The following USF3 variants were observed in gnomAD, a reference collection of about 807,000 sequenced individuals.
USF3 encodes the protein upstream transcription factor family member 3.
A neutral mutation model predicts 157.5 loss-of-function variants in USF3; 29 were observed. The ratio of observed to expected loss-of-function variants is 0.18; its 90% CI spans 0.14 to 0.25. The LOEUF is 0.25. USF3 is among the 10% of genes least tolerant of loss of function. USF3 has a pLI of 1.00. For synonymous variants in USF3, 893 were observed against 941.4 expected (o/e 0.95, Z 0.94); for missense variants, 2,381 against 2,667.6 (o/e 0.89, Z 2.37).
chr3:113,687,237 A>T (rs1707574793), intron 1 of USF3, among the ~76,000 whole-genome samples: 1 of 149,140 alleles, frequency 6.7e-6, no homozygotes, highest in South Asian at 2.1e-4. Context: ...AGTCACACAC[A>T]CACACACACA....
intron 1 of USF3, among the ~76,000 whole-genome samples, chr3:113,684,373 T>G (rs867834395): frequency 2.0e-5 from 3 of 152,148 alleles, no homozygotes; most frequent in Non-Finnish European, 2.9e-5. Context: ...ATAACCTCCT[T>G]GGACTTGAAT....
At chr3:113,696,175 C>G (rs575999844) in intron 1 of USF3, among the ~76,000 whole-genome samples, 195 bp downstream of exon 1, 445 of 152,312 alleles carry the variant, frequency 2.9e-3, no homozygotes, top group African/African-American at 0.01. Flanking sequence ...GCGCTCGCCG[C>G]GGGCGCTGAC....
At chr3:113,690,915 C>T (rs1339912773) in intron 1 of USF3, among the ~76,000 whole-genome samples, 4 of 152,136 alleles carry the variant, frequency 2.6e-5, no homozygotes, top group Non-Finnish European at 4.4e-5. Context: ...GGGCCAGGCA[C>T]GGTGGCTCAC....
rs1266464109 is a variant in USF3 at position 113,652,108 on chromosome 3, A to AGAGAGTGTGTGTGTGTGTGTGTGTGTGT, written c.*2835_*2836insACACACACACACACACACACACACTCTC. 1 of 141,978 alleles carries AGAGAGTGTGTGTGTGTGTGTGTGTGTGT rather than the reference A, an allele frequency of 7.0e-6. No individual in the cohort carries two copies. The highest frequency in any genetic ancestry group is 2.6e-5 in the African/African-American group (1 of 38,276). 8.8% of individuals were successfully genotyped at this position (141,978 alleles called of 1,614,324 possible). A position where few individuals can be genotyped will look rare whatever the true frequency, so the allele number is the denominator to read the frequency against. On this transcript the variant is annotated 3_prime_UTR_variant, in exon 7 of 7. Coordinates refer to ENST00000316407, the MANE Select transcript of USF3 (RefSeq NM_001009899.4). The stretch of plus-strand genomic sequence containing the variant: ...TGGAGAGAGAGAGAGAGAGAGAGAG[A>AGAGAGTGTGTGTGTGTGTGTGTGTGTGT]GTGTGTGTGTGTGTGTGTGTGTGTG...
chr3:113,685,778 C>A (rs778844403), intron 1 of USF3, among the ~76,000 whole-genome samples: 3 of 152,062 alleles, frequency 2.0e-5, no homozygotes, highest in African/African-American at 7.2e-5. Context: ...AGGAGTGTAC[C>A]CTTCTCTTTA....
At chr3:113,680,180 T>C (rs1009941860) in intron 1 of USF3, among the ~76,000 whole-genome samples, 3 of 151,658 alleles carry the variant, frequency 2.0e-5, no homozygotes, top group Non-Finnish European at 4.4e-5. Context: ...CTGGTATTAG[T>C]TCTTCTTTAG....
chr3:113,690,748 C>G lies in USF3; in HGVS notation c.-135+5622G>C, dbSNP rs143441571. Among the ~76,000 whole-genome samples, 589 of 152,282 alleles carry G rather than the reference C, an allele frequency of 3.9e-3. 4 individuals are homozygous for G. The highest frequency in any genetic ancestry group is 0.013 in the African/African-American group (560 of 41,562). On this transcript the variant is annotated intron_variant, in intron 1 of 6. Coordinates refer to ENST00000316407, the MANE Select transcript of USF3 (RefSeq NM_001009899.4). ...AGTCTATCCTCCTATATAAAATCTT[C>G]CCTAATATTTCTAGCAAAACTAAAC...
At chr3:113,676,399 G>A (rs921894900) in intron 2 of USF3, among the ~76,000 whole-genome samples, 16 of 152,198 alleles carry the variant, frequency 1.1e-4, no homozygotes, top group Non-Finnish European at 2.2e-4. Flanking sequence ...AATCATGGTG[G>A]AAGGGGAAGC....
chr3:113,692,994 C>T (rs1014248662), intron 1 of USF3, among the ~76,000 whole-genome samples: 2 of 152,156 alleles, frequency 1.3e-5, no homozygotes, highest in African/African-American at 4.8e-5. Flanking sequence ...AGGGGTCTGT[C>T]ACAACTACAA....
At position 113,653,838 on chromosome 3, in the gene USF3, C is replaced by A. The variant is rs1390299018; in HGVS notation, c.*1106G>T. ...CTACCAACAAGAAAAATAACAAATT[C>A]ATATTCTCATTATAATTCTGTTATG... On this transcript the variant is annotated 3_prime_UTR_variant, in exon 7 of 7. Coordinates refer to ENST00000316407, the MANE Select transcript of USF3 (RefSeq NM_001009899.4). 2 of 151,990 alleles carry A rather than the reference C, an allele frequency of 1.3e-5. No homozygotes were observed. The highest frequency in any genetic ancestry group is 2.9e-5 in the Non-Finnish European group (2 of 67,990). The allele number at this position is 151,990 out of a possible 1,614,324, so 9.4% of individuals were successfully genotyped here. A position where few individuals can be genotyped will look rare whatever the true frequency, so the allele number is the denominator to read the frequency against.
Position 113,659,170 on chromosome 3 carries a change from C to T in USF3, c.2512G>A (p.Asp838Asn), listed in dbSNP as rs1577030563. Residue 838 changes from aspartate (D) to asparagine (N), a missense_variant, in exon 7 of 7, where the codon GAT becomes AAT. Asp to Asn is a conservative substitution (Grantham distance 23, BLOSUM62 1). Around this residue, in one of 6 missense-constraint regions of USF3, gnomAD observed 1,435 missense variants for 1,550.9 expected, o/e 0.93. Transcript: ENST00000316407. ...GCAGGGAAGCTTTCTAGCAGTCCAT[C>T]ATTACAGGGTGGCTCTGCTGAGCCT... ...TEGSAEPPCN[D>N]GLLESFPAVL... The T allele has an allele frequency of 7.4e-6, 12 of 1,614,206 alleles. No homozygotes were observed. The highest frequency in any genetic ancestry group is 1.1e-5 in the South Asian group (1 of 91,084).
chr3:113,684,407 G>C (rs1380215216), intron 1 of USF3, among the ~76,000 whole-genome samples: 1 of 152,010 alleles, frequency 6.6e-6, no homozygotes, highest in Admixed American at 6.6e-5. Flanking sequence ...TCTAGGTTTG[G>C]AAAGTTCTCC....
rs1947218955 is a variant in USF3, at chr3:113,649,277, T to C, written c.*5667A>G. 6.6e-6 allele frequency: 1 copy of C among 152,468 alleles called. No individual in the cohort carries two copies. Among genetic ancestry groups the C allele is most frequent in the Admixed American group, 6.5e-5 (1 of 15,288 alleles). The allele number at this position is 152,468 out of a possible 1,614,324, so 9.4% of individuals were successfully genotyped here. A position where few individuals can be genotyped will look rare whatever the true frequency, so the allele number is the denominator to read the frequency against. On this transcript the variant is annotated 3_prime_UTR_variant, in exon 7 of 7. Coordinates refer to ENST00000316407, the MANE Select transcript of USF3 (RefSeq NM_001009899.4). ...AAATAAACAGTTATCTTCTGTCTTA[T>C]GAAATCTCTAATGACAGGATTATGC...
At chr3:113,690,078 C>T (rs901723840) in intron 1 of USF3, among the ~76,000 whole-genome samples, 2 of 152,172 alleles carry the variant, frequency 1.3e-5, no homozygotes, top group Admixed American at 6.5e-5. Flanking sequence ...GCATTTTGAA[C>T]AAATTAACAA....
Position 113,657,503 on chromosome 3 carries a change from A to C in USF3, c.4179T>G (p.Ala1393=). 6.2e-7 allele frequency: 1 copy of C among 1,614,102 alleles called. No homozygotes were observed. The highest frequency in any genetic ancestry group is 2.2e-5 in the East Asian group (1 of 44,872). The change falls in exon 7 of 7, where the codon GCT becomes GCG. Residue 1393 remains alanine, a synonymous_variant. Coordinates refer to ENST00000316407, the MANE Select transcript of USF3 (RefSeq NM_001009899.4). ...SNSVVPVSNP[A]HGDGLTRLFP... ...ATAATCGTGTAAGGCCATCTCCATG[A>C]GCTGGGTTGCTAACAGGCACAACTG...
chr3:113,665,286 G>A (rs1190553559), intron 5 of USF3, among the ~76,000 whole-genome samples: 2 of 152,204 alleles, frequency 1.3e-5, no homozygotes, highest in African/African-American at 4.8e-5. Context: ...GGGAAGAGTA[G>A]TAGAAGGCCA....
At position 113,648,601 on chromosome 3, in the gene USF3, C is replaced by A. The variant is rs188668243; in HGVS notation, c.*6343G>T. 8.3e-4 allele frequency: 127 copies of A among 152,668 alleles called. No individual in the cohort carries two copies. Among genetic ancestry groups the A allele is most frequent in the Non-Finnish European group, 1.2e-3 (83 of 68,000 alleles). 9.5% of individuals were successfully genotyped at this position (152,668 alleles called of 1,614,324 possible). A position where few individuals can be genotyped will look rare whatever the true frequency, so the allele number is the denominator to read the frequency against. ...CCTATTCTTATTTACAACTGTAGGA[C>A]AATCCTGATCATATTATACATATCT... is the stretch of plus-strand genomic sequence containing the variant. On this transcript the variant is annotated 3_prime_UTR_variant, in exon 7 of 7. Transcript: ENST00000316407.
chr3:113,688,954 C>A (rs1707622199), intron 1 of USF3, among the ~76,000 whole-genome samples: 1 of 152,142 alleles, frequency 6.6e-6, no homozygotes, highest in South Asian at 2.1e-4. Flanking sequence ...TGGTATGAAC[C>A]TGGGAGGCGG....
At chr3:113,682,547 C>A (rs1184889572) in intron 1 of USF3, among the ~76,000 whole-genome samples, 3 of 152,094 alleles carry the variant, frequency 2.0e-5, no homozygotes, top group Non-Finnish European at 2.9e-5. Context: ...CTGTCCAATG[C>A]TGAAAGTGAA....
Sources: allele counts gnomAD v4.1 joint callset (sites outside exome capture counted in the v4.1 genomes callset), GRCh38; gene constraint gnomAD v4.1.1; regional missense constraint gnomAD v4.1.1; transcripts MANE v1.5; gene names NCBI Gene and HGNC (gene_info 2026-07-23, HGNC 2026-07-21).